The following GPC5 variants were observed in gnomAD, a reference collection of about 807,000 sequenced individuals.
The protein encoded by GPC5 is glypican 5.
In GPC5, 47 loss-of-function variants were observed where a neutral mutation model predicts 53.9. That is an observed-to-expected ratio of 0.87 (90% confidence interval 0.69 to 1.11). The LOEUF (loss-of-function observed/expected upper bound fraction) is 1.11. Ranked by LOEUF, GPC5 falls within the 50% of genes most tolerant of loss-of-function variation. The pLI is 0.00. For synonymous variants in GPC5, 286 were observed against 263.3 expected (o/e 1.09, Z -0.84); for missense variants, 748 against 713.1 (o/e 1.05, Z -0.56).
intron 7 of GPC5, among the ~76,000 whole-genome samples, chr13:92,792,996 G>T (rs562407034): frequency 6.6e-6 from 1 of 152,154 alleles, no homozygotes; most frequent in African/African-American, 2.4e-5. Context: ...GGTTATCAAG[G>T]ATATCCAGGA....
At chr13:91,610,418 G>A (rs1045126945) in intron 2 of GPC5, among the ~76,000 whole-genome samples, 1 of 152,036 alleles carries the variant, frequency 6.6e-6, no homozygotes, top group Non-Finnish European at 1.5e-5. Flanking sequence ...TTAAATGTCA[G>A]GTTCATTTTG....
intron 6 of GPC5, among the ~76,000 whole-genome samples, chr13:92,030,063 A>G (rs924022253): frequency 2.6e-5 from 4 of 152,230 alleles, no homozygotes; most frequent in Non-Finnish European, 2.9e-5. Flanking sequence ...AAATACATCC[A>G]ATTAAACATT....
At chr13:92,589,004 G>A (rs2066362973) in intron 7 of GPC5, among the ~76,000 whole-genome samples, 1 of 152,122 alleles carries the variant, frequency 6.6e-6, no homozygotes, top group Admixed American at 6.5e-5. Context: ...AAGTTGAGGG[G>A]GGTGCTTTCC....
chr13:91,511,473 C>T (rs1053766175), intron 2 of GPC5, among the ~76,000 whole-genome samples: 2 of 152,044 alleles, frequency 1.3e-5, no homozygotes, highest in Non-Finnish European at 2.9e-5. Flanking sequence ...TCTCCCTTTG[C>T]ACCAATTACA....
At chr13:92,430,597 G>C (rs551839203) in intron 7 of GPC5, among the ~76,000 whole-genome samples, 1 of 152,162 alleles carries the variant, frequency 6.6e-6, no homozygotes, top group Non-Finnish European at 1.5e-5. Flanking sequence ...AGACTGTCCA[G>C]ATGATTCATG....
At chr13:92,021,599 T>G (rs926752375) in intron 6 of GPC5, among the ~76,000 whole-genome samples, 1 of 152,218 alleles carries the variant, frequency 6.6e-6, no homozygotes, top group East Asian at 1.9e-4. Flanking sequence ...CTTAAACTTT[T>G]GTTAAGAGGC....
intron 2 of GPC5, among the ~76,000 whole-genome samples, chr13:91,496,028 AAAT>A (rs1373934570): frequency 2.1e-5 from 3 of 143,316 alleles, no homozygotes; most frequent in African/African-American, 8.0e-5. Flanking sequence ...GTCTCAAAAA[AAAT>A]AAAAAATAAA....
intron 7 of GPC5, among the ~76,000 whole-genome samples, chr13:92,371,690 A>C (rs1378996609): frequency 6.6e-6 from 1 of 152,154 alleles, no homozygotes; most frequent in Non-Finnish European, 1.5e-5. Context: ...CCCCTTATAA[A>C]ACCTTCAGAT....
intron 2 of GPC5, among the ~76,000 whole-genome samples, chr13:91,561,798 G>A (rs1052455050): frequency 6.6e-6 from 1 of 152,078 alleles, no homozygotes; most frequent in Non-Finnish European, 1.5e-5. Context: ...GGTCACTCTA[G>A]TGCTGGCAGG....
At chr13:91,750,454 A>G (rs1165347277) in intron 4 of GPC5, among the ~76,000 whole-genome samples, 1 of 152,174 alleles carries the variant, frequency 6.6e-6, no homozygotes, top group South Asian at 2.1e-4. Context: ...TTAACGGCAA[A>G]TATTCTCATA....
At chr13:92,664,832 A>G (rs977438258) in intron 7 of GPC5, among the ~76,000 whole-genome samples, 1 of 152,164 alleles carries the variant, frequency 6.6e-6, no homozygotes. Flanking sequence ...AATAATTTAC[A>G]CTAAGAATCA....
rs147698709 is a variant in GPC5 at position 91,404,876 on chromosome 13, C to T, written c.163+5667C>T. Among the ~76,000 whole-genome samples, 783 of 152,314 alleles carry T rather than the reference C, an allele frequency of 5.1e-3. 4 individuals carry two copies. Among genetic ancestry groups the T allele is most frequent in the Non-Finnish European group, 8.6e-3 (587 of 68,028 alleles). ...GTCTTTTTAGCATGCTCATCAGCCC[C>T]CTGCTAAGCATGACTATTTTTTGAA... is the stretch of plus-strand genomic sequence containing the variant. On this transcript the variant is annotated intron_variant, in intron 1 of 7. Coordinates refer to ENST00000377067, the MANE Select transcript of GPC5 (RefSeq NM_004466.6).
intron 2 of GPC5, among the ~76,000 whole-genome samples, chr13:91,574,565 G>T (rs1000950326): frequency 6.6e-6 from 1 of 152,066 alleles, no homozygotes; most frequent in African/African-American, 2.4e-5. Context: ...AATCAGAAAG[G>T]AGTCCATTTG....
In GPC5 at chr13:92,838,495, A is replaced by AG. The variant is rs796869251; in HGVS notation, c.1562-27787_1562-27786insG. On this transcript the variant is annotated intron_variant, in intron 7 of 7. Transcript: ENST00000377067. ...GAGACTCCGCGCCCCCCCCAAAAAAAAAAAGAAAAAAAAGAAAGTAAACCT... is the reference window on the plus strand; with the variant it reads ...GAGACTCCGCGCCCCCCCCAAAAAAAGAAAAGAAAAAAAAGAAAGTAAACCT... Among the ~76,000 whole-genome samples the AG allele has an allele frequency of 4.7e-3, 712 of 151,878 alleles. 6 individuals are homozygous for AG. Among genetic ancestry groups the AG allele is most frequent in the African/African-American group, 0.016 (670 of 41,460 alleles).
Position 91,659,117 on chromosome 13 carries a change from A to C in GPC5, c.326-34070A>C, listed in dbSNP as rs184196218. Among the ~76,000 whole-genome samples the C allele has an allele frequency of 4.6e-5, 7 of 152,340 alleles. No individual in the cohort carries two copies. In the East Asian group the frequency reaches 1.3e-3, roughly 29 times the overall value. On this transcript the variant is annotated intron_variant, in intron 2 of 7. Coordinates refer to ENST00000377067, the MANE Select transcript of GPC5 (RefSeq NM_004466.6). ...ATAAATATGAATGAATTAATGATTC[A>C]ATCTGTCAATCACAAAAATTAAATA...
At chr13:92,109,061 G>GGTTTTTT (rs747674881) in intron 6 of GPC5, among the ~76,000 whole-genome samples, 1 of 87,500 alleles carries the variant, frequency 1.1e-5, no homozygotes. Flanking sequence ...CAATATGTTG[G>GGTTTTTT]TTTTTTTTTT....
intron 7 of GPC5, among the ~76,000 whole-genome samples, chr13:92,503,411 A>T (rs1273776554): frequency 2.0e-5 from 3 of 151,796 alleles, no homozygotes; most frequent in African/African-American, 7.2e-5. Context: ...TTAGCCAGAA[A>T]CTTGTAGCAG....
intron 6 of GPC5, among the ~76,000 whole-genome samples, chr13:92,032,584 G>A (rs2040861265): frequency 6.6e-6 from 1 of 151,994 alleles, no homozygotes; most frequent in Admixed American, 6.6e-5. Context: ...CTAAAACGTG[G>A]TCTCACCCTG....
chr13:91,943,868 CT>C (rs567534441), intron 6 of GPC5, among the ~76,000 whole-genome samples: 67 of 147,568 alleles, frequency 4.5e-4, no homozygotes, highest in South Asian at 1.5e-3. Flanking sequence ...TTTGAAATGA[CT>C]TTTTTTTTTA....
Sources: gnomAD v4.1 joint callset for allele counts (sites outside exome capture counted in the v4.1 genomes callset) on GRCh38, gnomAD v4.1.1 for gene constraint, MANE v1.5 for transcripts, NCBI Gene and HGNC (gene_info 2026-07-23, HGNC 2026-07-21) for gene names.